The following USH2A variants were observed in gnomAD, a reference collection of about 807,000 sequenced individuals.
USH2A encodes the protein usherin, also known as Usher syndrome 2A (autosomal recessive, mild).
In USH2A, 443 loss-of-function variants were observed where a neutral mutation model predicts 538.9. The ratio of observed to expected loss-of-function variants is 0.82; its 90% CI spans 0.76 to 0.89. The LOEUF is 0.89. Ranked by LOEUF, USH2A falls within the 40% of genes least tolerant of loss-of-function variation. The probability of loss-of-function intolerance (pLI) is 0.00; values close to 1 mark genes in which losing one functional copy is unlikely to be tolerated. For missense variants in USH2A, 6,633 were observed against 6,324.8 expected (o/e 1.05, Z -1.65); for synonymous variants, 2,413 against 2,273.5 (o/e 1.06, Z -1.75).
At chr1:215,770,875 C>A (rs1298877046) in intron 55 of USH2A, among the ~76,000 whole-genome samples, 1 of 133,246 alleles carries the variant, frequency 7.5e-6, no homozygotes, top group African/African-American at 2.8e-5. Flanking sequence ...GAGGACGAGG[C>A]GGGTGGATCA....
chr1:216,198,606 C>A, intron 17 of USH2A, 22 bp from the exon 18 acceptor site: 2 of 1,605,674 alleles, frequency 1.2e-6, no homozygotes, highest in South Asian at 1.1e-5. Context: ...AAATAGTGAA[C>A]CTACGTAACT....
At chr1:216,218,112 G>T (rs573492827) in intron 14 of USH2A, among the ~76,000 whole-genome samples, 14 of 151,934 alleles carry the variant, frequency 9.2e-5, no homozygotes, top group South Asian at 6.2e-4. Flanking sequence ...CCTTAATATG[G>T]GTTATATTTC....
At chr1:216,266,386 T>G (rs1038506167) in intron 11 of USH2A, among the ~76,000 whole-genome samples, 1 of 152,104 alleles carries the variant, frequency 6.6e-6, no homozygotes, top group Non-Finnish European at 1.5e-5. Flanking sequence ...AACATTATAG[T>G]AAACTAAAAA....
At chr1:215,929,798 A>T (rs1462747697) in intron 38 of USH2A, among the ~76,000 whole-genome samples, 1 of 152,028 alleles carries the variant, frequency 6.6e-6, no homozygotes, top group African/African-American at 2.4e-5. Flanking sequence ...GCAGTGAGTG[A>T]AAGAGGTGGA....
rs555017858 is a variant in USH2A, at chr1:216,264,888, C to T, written c.1972-13790G>A. On this transcript the variant is annotated intron_variant, in intron 11 of 71. Transcript: ENST00000307340. ...GTGCAAATGAATGAAAATAGACCCC[C>T]GTCTCTCACCATATACAAAAATCCA... Among the ~76,000 whole-genome samples the T allele has an allele frequency of 3.3e-5, 5 of 152,088 alleles. No homozygotes were observed. In the East Asian group the frequency reaches 5.8e-4, roughly 18 times the overall value.
chr1:215,995,389 A>C (rs2102478789), intron 34 of USH2A, among the ~76,000 whole-genome samples: 1 of 152,344 alleles, frequency 6.6e-6, no homozygotes, highest in South Asian at 2.1e-4. Flanking sequence ...ATTACCTGCA[A>C]ATTATTTTAT....
intron 11 of USH2A, among the ~76,000 whole-genome samples, chr1:216,280,810 G>C (rs1034900350): frequency 6.6e-6 from 1 of 152,138 alleles, no homozygotes; most frequent in Admixed American, 6.6e-5. Context: ...CCAGAACATA[G>C]AGCGCACGAC....
chr1:215,822,389 T>A (rs1663036512), intron 47 of USH2A, among the ~76,000 whole-genome samples: 1 of 151,888 alleles, frequency 6.6e-6, no homozygotes, highest in South Asian at 2.1e-4. Context: ...TAGCTATTGT[T>A]AATGGGACCA....
At chr1:216,295,407 A>G (rs1199437672) in intron 9 of USH2A, among the ~76,000 whole-genome samples, 1 of 151,832 alleles carries the variant, frequency 6.6e-6, no homozygotes, top group African/African-American at 2.4e-5. Context: ...CATAAATGAG[A>G]TTTATCTAGG....
At chr1:215,928,666 A>T (rs895605503) in intron 38 of USH2A, among the ~76,000 whole-genome samples, 2 of 152,116 alleles carry the variant, frequency 1.3e-5, no homozygotes, top group Non-Finnish European at 2.9e-5. Flanking sequence ...TTGACTCTTG[A>T]AACCCTGAGT....
chr1:216,020,718 G>C (rs1246961218), intron 32 of USH2A, among the ~76,000 whole-genome samples: 1 of 152,140 alleles, frequency 6.6e-6, no homozygotes, highest in Admixed American at 6.5e-5. Context: ...TGGGAGAAGG[G>C]GAGTGGCTGG....
At chr1:215,691,250 G>A (rs1023853298) in intron 61 of USH2A, among the ~76,000 whole-genome samples, 4 of 152,080 alleles carry the variant, frequency 2.6e-5, no homozygotes, top group African/African-American at 9.7e-5. Flanking sequence ...ACACAAGTCA[G>A]ATCATGTCAC....
chr1:216,123,241 A>G (rs2033172644), intron 21 of USH2A, among the ~76,000 whole-genome samples: 2 of 152,202 alleles, frequency 1.3e-5, no homozygotes, highest in African/African-American at 4.8e-5. Flanking sequence ...GGGACTCAAC[A>G]ATGGTTTGTT....
At chr1:216,277,027 A>C (rs1317745947) in intron 11 of USH2A, among the ~76,000 whole-genome samples, 1 of 152,140 alleles carries the variant, frequency 6.6e-6, no homozygotes, top group African/African-American at 2.4e-5. Flanking sequence ...ATCTATCTAT[A>C]TCTACCTACT....
At chr1:215,901,317 T>TGCTGA (rs1665494265) in intron 38 of USH2A, 1 of 301,104 alleles carries the variant, frequency 3.3e-6, no homozygotes, top group South Asian at 3.1e-5. Context: ...TATCATCCAT[T>TGCTGA]GCTGCCTTAA....
At chr1:216,177,126 A>G (rs1056381210) in intron 20 of USH2A, among the ~76,000 whole-genome samples, 3 of 152,138 alleles carry the variant, frequency 2.0e-5, no homozygotes, top group Admixed American at 6.6e-5. Context: ...TTTGGTTTTC[A>G]AGACACTGCC....
chr1:215,815,406 AT>A (rs5780858), intron 48 of USH2A, among the ~76,000 whole-genome samples: 85,823 of 146,326 alleles, frequency 0.59, 24,784 homozygotes, highest in Admixed American at 0.64. Context: ...GACCCGTATG[AT>A]TTTTTTTTTT....
chr1:216,198,611 G>C, intron 17 of USH2A, 27 bp from the exon 18 acceptor site: 1 of 1,603,272 alleles, frequency 6.2e-7, no homozygotes, highest in East Asian at 2.2e-5. Context: ...GTGAACCTAC[G>C]TAACTCATCA....
chr1:215,633,358 A>G (rs1463752471), intron 70 of USH2A, among the ~76,000 whole-genome samples: 1 of 152,142 alleles, frequency 6.6e-6, no homozygotes, highest in Non-Finnish European at 1.5e-5. Flanking sequence ...TCATTGTCCC[A>G]TTGCTACTTC....
Sources: allele counts gnomAD v4.1 joint callset (sites outside exome capture counted in the v4.1 genomes callset), GRCh38; gene constraint gnomAD v4.1.1; transcripts MANE v1.5; gene names NCBI Gene and HGNC (gene_info 2026-07-23, HGNC 2026-07-21).